The following CFAP299 variants were observed in gnomAD, a reference collection of about 807,000 sequenced individuals.
CFAP299 encodes cilia- and flagella-associated protein 299.
In CFAP299, 21 loss-of-function variants were observed where a neutral mutation model predicts 27.0. That is an observed-to-expected ratio of 0.78 (90% CI 0.55 to 1.12). The LOEUF is 1.12. Among genes scored for constraint, CFAP299 ranks in the 50% most tolerant of loss-of-function variants. CFAP299 has a pLI of 0.00. For synonymous variants in CFAP299, 104 were observed against 98.1 expected, an observed-to-expected ratio of 1.06 and a Z score of -0.36; for missense variants, 310 against 276.6, an observed-to-expected ratio of 1.12 and a Z score of -0.86.
At chr4:80,610,185 A>T (rs1737893471) in intron 3 of CFAP299, among the ~76,000 whole-genome samples, 1 of 149,672 alleles carries the variant, frequency 6.7e-6, no homozygotes, top group Non-Finnish European at 1.5e-5. Context: ...AATCCTTTTA[A>T]TTTGATAAAT....
intron 2 of CFAP299, among the ~76,000 whole-genome samples, chr4:80,450,475 TA>T (rs1451798468): frequency 6.6e-6 from 1 of 152,112 alleles, no homozygotes; most frequent in Non-Finnish European, 1.5e-5. Context: ...AAAGAAGCTC[TA>T]AATCAAAGTA....
intron 2 of CFAP299, among the ~76,000 whole-genome samples, chr4:80,398,508 C>T (rs549524556): frequency 1.3e-5 from 2 of 152,164 alleles, no homozygotes; most frequent in Non-Finnish European, 2.9e-5. Flanking sequence ...ACCAATGGAA[C>T]AGAACAGAGA....
intron 3 of CFAP299, among the ~76,000 whole-genome samples, chr4:80,778,256 G>T (rs1389926668): frequency 6.6e-6 from 1 of 152,084 alleles, no homozygotes; most frequent in Non-Finnish European, 1.5e-5. Context: ...TTTAGATACT[G>T]CCTATGCAGA....
chr4:80,406,409 A>T (rs923289011), intron 2 of CFAP299, among the ~76,000 whole-genome samples: 3 of 152,172 alleles, frequency 2.0e-5, no homozygotes, highest in African/African-American at 7.2e-5. Flanking sequence ...TCTGTCACCC[A>T]GGCTAGAGCA....
chr4:80,467,466 C>G (rs867688998), intron 2 of CFAP299, among the ~76,000 whole-genome samples: 1 of 152,240 alleles, frequency 6.6e-6, no homozygotes, highest in South Asian at 2.1e-4. Context: ...TCCAACATTC[C>G]CCACTCTACC....
At chr4:80,589,621 C>T (rs1736621298) in intron 3 of CFAP299, among the ~76,000 whole-genome samples, 1 of 151,998 alleles carries the variant, frequency 6.6e-6, no homozygotes, top group Admixed American at 6.6e-5. Context: ...AAAATCCAAT[C>T]AACAACTGAA....
chr4:80,369,072 C>T (rs1354341441), intron 2 of CFAP299, among the ~76,000 whole-genome samples: 1 of 152,218 alleles, frequency 6.6e-6, no homozygotes, highest in Non-Finnish European at 1.5e-5. Flanking sequence ...AGTTATCCCA[C>T]ATGGGATGAA....
At chr4:80,485,273 T>TTATA (rs372642463) in intron 2 of CFAP299, among the ~76,000 whole-genome samples, 1 of 149,072 alleles carries the variant, frequency 6.7e-6, no homozygotes, top group Admixed American at 6.7e-5. Context: ...ATATGAAATT[T>TTATA]TATATATATA....
At chr4:80,843,270 T>C (rs568907395) in intron 3 of CFAP299, among the ~76,000 whole-genome samples, 75 of 151,958 alleles carry the variant, frequency 4.9e-4, no homozygotes, top group African/African-American at 1.7e-3. Flanking sequence ...GTGATGTTCC[T>C]CTTCCTGTGT....
intron 4 of CFAP299, among the ~76,000 whole-genome samples, chr4:80,891,830 G>GAAAAAAA (rs35425830): frequency 1.9e-3 from 104 of 53,944 alleles, no homozygotes; most frequent in African/African-American, 5.1e-3. Context: ...TAGATTAAAG[G>GAAAAAAA]AAAAAAAAAA....
chr4:80,448,516 C>A (rs1728748560), intron 2 of CFAP299, among the ~76,000 whole-genome samples: 1 of 152,018 alleles, frequency 6.6e-6, no homozygotes, highest in South Asian at 2.1e-4. Context: ...GAAAATGCCA[C>A]CAGCTCTATT....
rs530368954 is a variant in CFAP299 at position 80,877,328 on chromosome 4, G to C, written c.476+7193G>C. On this transcript the variant is annotated intron_variant, in intron 4 of 5. Coordinates refer to ENST00000358105, the MANE Select transcript of CFAP299 (RefSeq NM_152770.3). ...GTCTCTCATGGAAAATTCAGAAATA[G>C]AGCAGAGATCCCAAAAGCCATATAC... 9.4e-4 allele frequency among the ~76,000 whole-genome samples: 143 copies of C among 152,218 alleles called. 1 individual carries two copies. The highest frequency in any genetic ancestry group is 3.1e-3 in the South Asian group (15 of 4,826).
At chr4:80,677,813 G>C (rs1719567470) in intron 3 of CFAP299, among the ~76,000 whole-genome samples, 1 of 151,866 alleles carries the variant, frequency 6.6e-6, no homozygotes, top group Admixed American at 6.6e-5. Context: ...GTTAACTTTT[G>C]TCTGAAATTC....
chr4:80,641,986 G>T (rs1739749865), intron 3 of CFAP299, among the ~76,000 whole-genome samples: 1 of 152,200 alleles, frequency 6.6e-6, no homozygotes, highest in African/African-American at 2.4e-5. Flanking sequence ...CAGGGAAAAG[G>T]AATGTTTCTG....
intron 3 of CFAP299, among the ~76,000 whole-genome samples, chr4:80,809,668 A>G (rs1486937933): frequency 1.3e-5 from 2 of 152,120 alleles, no homozygotes; most frequent in African/African-American, 4.8e-5. Context: ...GTGCAAATTT[A>G]CAAATTCTCT....
At chr4:80,904,080 C>T (rs978821691) in intron 4 of CFAP299, among the ~76,000 whole-genome samples, 9 of 152,068 alleles carry the variant, frequency 5.9e-5, no homozygotes, top group African/African-American at 2.2e-4. Flanking sequence ...GTGCAATTAG[C>T]TGATTATCTA....
chr4:80,432,266 C>G (rs1177768455), intron 2 of CFAP299, among the ~76,000 whole-genome samples: 1 of 151,902 alleles, frequency 6.6e-6, no homozygotes, highest in Admixed American at 6.6e-5. Context: ...ATTCTCCTGC[C>G]TCAGCCTCCT....
chr4:80,937,340 A>G (rs557010315), intron 4 of CFAP299, among the ~76,000 whole-genome samples: 154 of 67,054 alleles, frequency 2.3e-3, no homozygotes, highest in Admixed American at 0.015. Context: ...TTTTTGAGAC[A>G]GGGTCTCACT....
In CFAP299 at chr4:80,634,139, C is replaced by T. The variant is rs186353347; in HGVS notation, c.333+50956C>T. ...GCAGGGACTACAGTGTGCACCACCA[C>T]GCCCAGCTAATTTTTTGTATTTTTA... On this transcript the variant is annotated intron_variant, in intron 3 of 5. Transcript: ENST00000358105. 1.7e-3 allele frequency among the ~76,000 whole-genome samples: 251 copies of T among 151,982 alleles called. 2 individuals carry two copies. The highest frequency in any genetic ancestry group is 3.8e-3 in the African/African-American group (159 of 41,452).
Sources: allele counts gnomAD v4.1 joint callset (sites outside exome capture counted in the v4.1 genomes callset), GRCh38; gene constraint gnomAD v4.1.1; transcripts MANE v1.5; gene names NCBI Gene and HGNC (gene_info 2026-07-23, HGNC 2026-07-21).